L3MBTL1: variants seen among roughly 807,000 people sequenced by gnomAD.
L3MBTL1 encodes the protein L3MBTL histone methyl-lysine binding protein 1, also known as lethal(3)malignant brain tumor-like protein 1.
In L3MBTL1, 75 loss-of-function variants were observed where a neutral mutation model predicts 105.3. That is an observed-to-expected ratio of 0.71 (90% confidence interval 0.59 to 0.86). The LOEUF is 0.86. Ranked by LOEUF, L3MBTL1 falls within the 40% of genes least tolerant of loss-of-function variation. The pLI is 0.00. For missense variants in L3MBTL1, 1,069 were observed against 1,126.4 expected (o/e 0.95, Z 0.73); for synonymous variants, 452 against 436.2 (o/e 1.04, Z -0.45).
chr20:43,530,463 A>C, intron 10 of L3MBTL1, 44 bp downstream of exon 10: 1 of 1,593,400 alleles, frequency 6.3e-7, no homozygotes, highest in Non-Finnish European at 8.5e-7. Flanking sequence ...GTGAGTCCTC[A>C]GACCCTTCGC....
downstream of L3MBTL1, among the ~76,000 whole-genome samples, chr20:43,545,582 G>T (rs576358111): frequency 1.3e-5 from 2 of 152,266 alleles, no homozygotes; most frequent in Non-Finnish European, 2.9e-5. Flanking sequence ...AGGAGGTGCT[G>T]GAGAGAGAAT....
chr20:43,541,349 T>A lies in L3MBTL1; in HGVS notation c.*221T>A. On this transcript the variant is annotated 3_prime_UTR_variant, in exon 22 of 22. Transcript: ENST00000418998. ...GCTGTTTACTGTCTCTGAGCCTACA[T>A]CTTCTTGTCTGTAAAATGGAGATAA... 2 of 799,870 alleles carry A rather than the reference T, an allele frequency of 2.5e-6. No individual in the cohort carries two copies. The highest frequency in any genetic ancestry group is 1.9e-6 in the Non-Finnish European group (1 of 539,488). The allele number at this position is 799,870 out of a possible 1,614,324, so 49.5% of individuals were successfully genotyped here. A position where few individuals can be genotyped will look rare whatever the true frequency, so the allele number is the denominator to read the frequency against.
chr20:43,527,316 T>TA (rs1347238787), intron 7 of L3MBTL1, among the ~76,000 whole-genome samples: 1 of 152,252 alleles, frequency 6.6e-6, no homozygotes, highest in African/African-American at 2.4e-5. Context: ...TGTGAGTTGT[T>TA]ACGTCTTTAG....
chr20:43,513,139 T>G (rs1343197688), intron 1 of L3MBTL1, among the ~76,000 whole-genome samples: 1 of 152,232 alleles, frequency 6.6e-6, no homozygotes, highest in Non-Finnish European at 1.5e-5. Context: ...GGCTATGTCC[T>G]GGAGACAACT....
At chr20:43,525,358 G>A (rs1167152536) in intron 7 of L3MBTL1, among the ~76,000 whole-genome samples, 1 of 152,060 alleles carries the variant, frequency 6.6e-6, no homozygotes, top group Non-Finnish European at 1.5e-5. Context: ...GAGAGGATCA[G>A]TGCCACCGCT....
chr20:43,537,435 CTCT>C (rs2019686515), intron 19 of L3MBTL1, among the ~76,000 whole-genome samples: 1 of 152,306 alleles, frequency 6.6e-6, no homozygotes, highest in Non-Finnish European at 1.5e-5. Flanking sequence ...TCCAAAGTGT[CTCT>C]TCTTGTAAGG....
chr20:43,528,059 A>T (rs1046419535), intron 7 of L3MBTL1, among the ~76,000 whole-genome samples: 3 of 151,814 alleles, frequency 2.0e-5, no homozygotes, highest in African/African-American at 4.8e-5. Flanking sequence ...CGCCCAACTA[A>T]TTTTTGTATT....
Position 43,541,716 on chromosome 20 carries a change from T to G in L3MBTL1, c.*588T>G, listed in dbSNP as rs1043224915. ...TTTCTGTATATGTTCCACTATAATC[T>G]TATGGGACCATGGTTTTAAATGTGG... On this transcript the variant is annotated 3_prime_UTR_variant, in exon 22 of 22. Coordinates refer to ENST00000418998, the MANE Select transcript of L3MBTL1 (RefSeq NM_001377303.1). 8.4e-5 allele frequency: 59 copies of G among 700,364 alleles called. No individual in the cohort carries two copies. Among genetic ancestry groups the G allele is most frequent in the Non-Finnish European group, 1.0e-4 (57 of 568,506 alleles). 43.4% of individuals were successfully genotyped at this position (700,364 alleles called of 1,614,324 possible).
chr20:43,524,724 GA>G (rs1344237822), intron 7 of L3MBTL1, among the ~76,000 whole-genome samples: 1 of 143,998 alleles, frequency 6.9e-6, no homozygotes, highest in Non-Finnish European at 1.5e-5. Flanking sequence ...TGAAGGATGT[GA>G]AAAAAATAGG....
exon 19 of L3MBTL1, chr20:43,550,840 A>T (rs1978926509): frequency 6.6e-6 from 1 of 152,194 alleles, no homozygotes; most frequent in South Asian, 2.1e-4. Flanking sequence ...TCTTTAAGAG[A>T]ATCTTCTGGC....
chr20:43,542,231 G>C (rs1224714314), downstream of L3MBTL1, among the ~76,000 whole-genome samples: 1 of 152,166 alleles, frequency 6.6e-6, no homozygotes, highest in Non-Finnish European at 1.5e-5. Context: ...AAAGAAAGTA[G>C]TTGGCTCTTC....
intron 19 of L3MBTL1, among the ~76,000 whole-genome samples, chr20:43,538,368 A>AAG (rs2019738194): frequency 6.6e-6 from 1 of 152,218 alleles, no homozygotes; most frequent in Non-Finnish European, 1.5e-5. Context: ...GAACTGGCAA[A>AAG]GAAGGGCTCA....
intron 18 of L3MBTL1, among the ~76,000 whole-genome samples, chr20:43,547,192 C>CTCCAT (rs1978665917): frequency 6.6e-6 from 1 of 151,230 alleles, no homozygotes. Flanking sequence ...GCAAGCTCCG[C>CTCCAT]CTCCCGGGTT....
At chr20:43,525,964 G>A (rs2019010251) in intron 7 of L3MBTL1, among the ~76,000 whole-genome samples, 1 of 152,218 alleles carries the variant, frequency 6.6e-6, no homozygotes, top group South Asian at 2.1e-4. Context: ...TACTTGGTAA[G>A]TGTTGTGACT....
intron 7 of L3MBTL1, among the ~76,000 whole-genome samples, chr20:43,518,774 C>T (rs1049120497): frequency 1.4e-5 from 2 of 141,352 alleles, no homozygotes; most frequent in East Asian, 2.1e-4. Flanking sequence ...TTTGGGAGGC[C>T]GAGGCAGGCG....
At chr20:43,511,881 G>A (rs1342537646) in intron 1 of L3MBTL1, among the ~76,000 whole-genome samples, 1 of 152,000 alleles carries the variant, frequency 6.6e-6, no homozygotes, top group African/African-American at 2.4e-5. Flanking sequence ...CAAGCAGAGA[G>A]CTTGGGGAAG....
In L3MBTL1 at chr20:43,548,203, C is replaced by T. The variant is rs766349538; in HGVS notation, c.2217C>T (p.Asn739=). ...TGGGCCCAGCCTTGAAGATCTATAA[C>T]GCCATTCTCATGTTCAAAAACGCTG... The change falls in exon 19 of 19, where the codon AAC becomes AAT. Residue 739 remains asparagine (N), a synonymous_variant. Transcript: ENST00000422861. The T allele has an allele frequency of 4.2e-5, 55 of 1,304,336 alleles. No individual in the cohort carries two copies. The Middle Eastern group carries it at 6.4e-4, about 15-fold the overall frequency. The allele number at this position is 1,304,336 out of a possible 1,614,324, so 80.8% of individuals were successfully genotyped here.
chr20:43,508,777 C>A (rs992545964), intron 1 of L3MBTL1, among the ~76,000 whole-genome samples: 1 of 152,166 alleles, frequency 6.6e-6, no homozygotes, highest in African/African-American at 2.4e-5. Context: ...ACGGGTTGGG[C>A]GGAAGAAGAA....
chr20:43,533,803 G>A (rs1357071220), intron 13 of L3MBTL1, among the ~76,000 whole-genome samples: 1 of 152,148 alleles, frequency 6.6e-6, no homozygotes, highest in Non-Finnish European at 1.5e-5. Flanking sequence ...AGACAGCCCT[G>A]TGAACTATTA....
Sources: gnomAD v4.1 joint callset for allele counts (sites outside exome capture counted in the v4.1 genomes callset) on GRCh38, gnomAD v4.1.1 for gene constraint, MANE v1.5 for transcripts, NCBI Gene and HGNC (gene_info 2026-07-23, HGNC 2026-07-21) for gene names.